The following CNTN6 variants were observed in gnomAD, a reference collection of about 807,000 sequenced individuals.
CNTN6 encodes contactin 6.
A neutral mutation model predicts 122.8 loss-of-function variants in CNTN6; 137 were observed. The ratio of observed to expected loss-of-function variants is 1.12; its 90% CI spans 0.97 to 1.29. The LOEUF is 1.29. CNTN6 is among the 50% of genes most tolerant of loss of function. The probability of loss-of-function intolerance (pLI) is 0.00; values close to 1 mark genes in which losing one functional copy is unlikely to be tolerated. For missense variants in CNTN6, 1,634 were observed against 1,223.4 expected (o/e 1.34, Z -5.01); for synonymous variants, 570 against 426.0 (o/e 1.34, Z -4.16).
At chr3:1,226,672 A>T (rs999249420) in intron 3 of CNTN6, among the ~76,000 whole-genome samples, 1 of 152,082 alleles carries the variant, frequency 6.6e-6, no homozygotes, top group African/African-American at 2.4e-5. Flanking sequence ...CTTCATCAAA[A>T]CTAGCATTAA....
At chr3:1,158,879 C>CACAT (rs1381335943) in intron 2 of CNTN6, among the ~76,000 whole-genome samples, 1,167 of 80,432 alleles carry the variant, frequency 0.015, 64 homozygotes, top group African/African-American at 0.062. Context: ...TATATATACA[C>CACAT]ATATATACAC....
intron 8 of CNTN6, among the ~76,000 whole-genome samples, chr3:1,323,387 C>G (rs530381971): frequency 2.6e-5 from 4 of 151,696 alleles, no homozygotes; most frequent in Non-Finnish European, 5.9e-5. Flanking sequence ...TCACCACAAC[C>G]AAATTAGCCA....
intron 5 of CNTN6, among the ~76,000 whole-genome samples, chr3:1,291,360 G>T (rs1281251351): frequency 6.6e-6 from 1 of 152,132 alleles, no homozygotes; most frequent in Non-Finnish European, 1.5e-5. Context: ...AGCAGCTAAG[G>T]TAAAAATGAA....
chr3:1,241,867 A>G (rs537029925), intron 4 of CNTN6, among the ~76,000 whole-genome samples: 1 of 152,344 alleles, frequency 6.6e-6, no homozygotes, highest in South Asian at 2.1e-4. Context: ...GGCCTCTAAA[A>G]GTATTAAAGC....
intron 1 of CNTN6, among the ~76,000 whole-genome samples, chr3:1,114,561 A>G (rs1198739117): frequency 2.6e-5 from 4 of 152,228 alleles, no homozygotes; most frequent in African/African-American, 9.6e-5. Flanking sequence ...TCACAGGTCA[A>G]TAGGAACACA....
intron 1 of CNTN6, among the ~76,000 whole-genome samples, chr3:1,117,443 C>T (rs2091769809): frequency 6.6e-6 from 1 of 152,152 alleles, no homozygotes; most frequent in African/African-American, 2.4e-5. Context: ...TGGGTTCAGG[C>T]TCTGGACCCT....
intron 1 of CNTN6, among the ~76,000 whole-genome samples, chr3:1,144,912 G>C (rs2092692275): frequency 6.6e-6 from 1 of 152,280 alleles, no homozygotes; most frequent in African/African-American, 2.4e-5. Context: ...CTTGCGAATG[G>C]AAAATGGCAT....
At chr3:1,197,499 C>T (rs1035391665) in intron 2 of CNTN6, among the ~76,000 whole-genome samples, 1 of 152,178 alleles carries the variant, frequency 6.6e-6, no homozygotes, top group Non-Finnish European at 1.5e-5. Context: ...CAATTACACA[C>T]ATTTAGTGAA....
intron 5 of CNTN6, among the ~76,000 whole-genome samples, chr3:1,285,558 G>A (rs1209678854): frequency 6.6e-6 from 1 of 152,074 alleles, no homozygotes; most frequent in African/African-American, 2.4e-5. Context: ...TATGTACTAG[G>A]CACTAAACTT....
At chr3:1,179,440 A>T (rs910200091) in intron 2 of CNTN6, among the ~76,000 whole-genome samples, 1 of 152,144 alleles carries the variant, frequency 6.6e-6, no homozygotes, top group African/African-American at 2.4e-5. Flanking sequence ...TAAGAGGAGC[A>T]TTGCTGTTCT....
Position 1,376,997 on chromosome 3 carries a change from AT to A in CNTN6, c.2096-3del. On this transcript the variant is annotated splice_region_variant and splice_polypyrimidine_tract_variant and intron_variant, in intron 16 of 22. Transcript: ENST00000446702. ...TTGCCATCCCACATTTCTCTTGGTT[AT>A]TTTTAGTCCCTGTTGTGGCACCAGT... The A allele has an allele frequency of 1.9e-6, 3 of 1,582,080 alleles. No homozygotes were observed. Among genetic ancestry groups the A allele is most frequent in the Middle Eastern group, 1.7e-4 (1 of 5,960 alleles).
intron 11 of CNTN6, among the ~76,000 whole-genome samples, chr3:1,338,361 G>T (rs1463965682): frequency 6.6e-6 from 1 of 152,078 alleles, no homozygotes; most frequent in Non-Finnish European, 1.5e-5. Flanking sequence ...CCATGATTTT[G>T]ATTTAGTAGG....
At chr3:1,395,399 TTGTTTCC>T (rs1431785210) in intron 20 of CNTN6, among the ~76,000 whole-genome samples, 1 of 152,082 alleles carries the variant, frequency 6.6e-6, no homozygotes, top group Non-Finnish European at 1.5e-5. Flanking sequence ...AAAGGATAAT[TTGTTTCC>T]TGTTTTCTGG....
At chr3:1,115,488 G>A (rs1167946514) in intron 1 of CNTN6, among the ~76,000 whole-genome samples, 11 of 152,274 alleles carry the variant, frequency 7.2e-5, no homozygotes, top group Middle Eastern at 3.4e-3. Context: ...GGTGGCTCAT[G>A]CCTGTAATCC....
intron 5 of CNTN6, among the ~76,000 whole-genome samples, chr3:1,280,879 G>A (rs1321203791): frequency 6.6e-6 from 1 of 152,034 alleles, no homozygotes; most frequent in Non-Finnish European, 1.5e-5. Context: ...GGCTGTTAAG[G>A]GACACTCTCA....
chr3:1,114,733 CA>C (rs1162462752), intron 1 of CNTN6, among the ~76,000 whole-genome samples: 1 of 152,150 alleles, frequency 6.6e-6, no homozygotes, highest in Non-Finnish European at 1.5e-5. Flanking sequence ...TGAGCAAAGA[CA>C]TTTTTTTTGC....
chr3:1,233,559 C>T (rs1344921279), intron 4 of CNTN6, among the ~76,000 whole-genome samples: 1 of 151,662 alleles, frequency 6.6e-6, no homozygotes, highest in Non-Finnish European at 1.5e-5. Flanking sequence ...CATAGTGAAA[C>T]CACGTCTCTA....
intron 2 of CNTN6, among the ~76,000 whole-genome samples, chr3:1,156,484 T>C (rs1050789929): frequency 2.0e-5 from 3 of 152,222 alleles, no homozygotes; most frequent in Non-Finnish European, 2.9e-5. Flanking sequence ...AATATTTGAC[T>C]CGTTATACCT....
chr3:1,106,126 G>A (rs578216743), intron 1 of CNTN6, among the ~76,000 whole-genome samples: 1 of 151,992 alleles, frequency 6.6e-6, no homozygotes, highest in South Asian at 2.1e-4. Context: ...GAAAATTCAG[G>A]ACTGCATAAG....
Sources: allele counts gnomAD v4.1 joint callset (sites outside exome capture counted in the v4.1 genomes callset), GRCh38; gene constraint gnomAD v4.1.1; transcripts MANE v1.5; gene names NCBI Gene and HGNC (gene_info 2026-07-23, HGNC 2026-07-21).